TAFA2: variants seen among roughly 807,000 people sequenced by gnomAD.
TAFA2 encodes TAFA chemokine like family member 2, also known as chemokine-like protein TAFA-2.
In TAFA2, 7 loss-of-function variants were observed where a neutral mutation model predicts 18.8. The observed-to-expected ratio is 0.37, with a 90% CI of 0.21 to 0.70. The LOEUF is 0.70. TAFA2 is among the 30% of genes least tolerant of loss of function. The probability of loss-of-function intolerance (pLI) is 0.53; values close to 1 mark genes in which losing one functional copy is unlikely to be tolerated. For missense variants in TAFA2, 122 were observed against 158.1 expected (o/e 0.77, Z 1.23); for synonymous variants, 60 against 54.2 (o/e 1.11, Z -0.47).
At chr12:61,777,880 G>A (rs959121564) in intron 2 of TAFA2, among the ~76,000 whole-genome samples, 1 of 151,756 alleles carries the variant, frequency 6.6e-6, no homozygotes, top group African/African-American at 2.4e-5. Flanking sequence ...AGAGGTAGGA[G>A]GTAGTGTCAT....
chr12:61,901,044 T>C (rs1876075886), intron 1 of TAFA2, among the ~76,000 whole-genome samples: 1 of 152,204 alleles, frequency 6.6e-6, no homozygotes, highest in Non-Finnish European at 1.5e-5. Flanking sequence ...TGGTCTACTT[T>C]ATTACAGGTA....
intron 2 of TAFA2, among the ~76,000 whole-genome samples, chr12:61,853,388 G>A (rs1873757099): frequency 1.3e-5 from 2 of 152,076 alleles, no homozygotes; most frequent in Non-Finnish European, 2.9e-5. Flanking sequence ...GTGACAAGAT[G>A]AGGAAGAGTA....
At chr12:61,898,721 C>T (rs971891411) in intron 1 of TAFA2, among the ~76,000 whole-genome samples, 2 of 152,180 alleles carry the variant, frequency 1.3e-5, no homozygotes, top group Non-Finnish European at 2.9e-5. Flanking sequence ...GGAGGGCCTG[C>T]AGGGAAGGTC....
At chr12:62,002,259 T>C (rs1880404266) in intron 1 of TAFA2, among the ~76,000 whole-genome samples, 2 of 152,168 alleles carry the variant, frequency 1.3e-5, no homozygotes, top group Non-Finnish European at 2.9e-5. Context: ...AAAGGGAAAA[T>C]TTCTGTGAGA....
chr12:62,065,193 A>G lies in TAFA2; in HGVS notation c.-2+126066T>C, dbSNP rs11174290. 1.0e-3 allele frequency among the ~76,000 whole-genome samples: 159 copies of G among 152,152 alleles called. 2 individuals carry two copies. In the East Asian group the frequency reaches 0.024, roughly 23 times the overall value. On this transcript the variant is annotated intron_variant, in intron 1 of 4. Coordinates refer to ENST00000416284, the MANE Select transcript of TAFA2 (RefSeq NM_178539.5). Reference sequence around the variant, plus strand: ...TTTTCATATTGAGTATAAGCTTTGCATGAAATCAGAAAGTATTACACAACT... The same window carrying G: ...TTTTCATATTGAGTATAAGCTTTGCGTGAAATCAGAAAGTATTACACAACT...
At chr12:61,742,612 G>A (rs1440565888) in intron 4 of TAFA2, among the ~76,000 whole-genome samples, 1 of 152,046 alleles carries the variant, frequency 6.6e-6, no homozygotes, top group Non-Finnish European at 1.5e-5. Flanking sequence ...TCTTTTGAGA[G>A]AGCATTCTTG....
chr12:61,944,910 AT>A (rs1325519288), intron 1 of TAFA2, among the ~76,000 whole-genome samples: 1 of 118,580 alleles, frequency 8.4e-6, no homozygotes, highest in Non-Finnish European at 1.7e-5. Flanking sequence ...TTCTGAAACT[AT>A]TCCAATCAAT....
chr12:61,965,993 T>G (rs941404131), intron 1 of TAFA2, among the ~76,000 whole-genome samples: 1 of 151,884 alleles, frequency 6.6e-6, no homozygotes, highest in African/African-American at 2.4e-5. Flanking sequence ...TGTTTCCACC[T>G]TTGGGGTATT....
intron 1 of TAFA2, chr12:62,252,812 C>T (rs1057038761): frequency 6.6e-6 from 1 of 152,078 alleles, no homozygotes; most frequent in Non-Finnish European, 1.5e-5. Context: ...TAAAATGAAT[C>T]CCTTTGTTTG....
chr12:61,859,114 C>G (rs564362790), intron 2 of TAFA2, among the ~76,000 whole-genome samples: 1 of 152,350 alleles, frequency 6.6e-6, no homozygotes, highest in African/African-American at 2.4e-5. Context: ...GTTTAATTGA[C>G]TCACAGTTAA....
At chr12:62,234,297 C>T in intron 1 of TAFA2, 1 of 421,396 alleles carries the variant, frequency 2.4e-6, no homozygotes, top group South Asian at 2.0e-5. Context: ...AAAACATTTG[C>T]TGAATGAATA....
chr12:61,872,857 G>A (rs181931078), intron 1 of TAFA2, among the ~76,000 whole-genome samples: 99 of 120,182 alleles, frequency 8.2e-4, no homozygotes, highest in African/African-American at 2.3e-3. Flanking sequence ...GACCCACCCT[G>A]CAGTTTCTCT....
At chr12:62,021,093 A>G (rs1293112639) in intron 1 of TAFA2, among the ~76,000 whole-genome samples, 1 of 152,138 alleles carries the variant, frequency 6.6e-6, no homozygotes, top group African/African-American at 2.4e-5. Flanking sequence ...AAAGGTTGCT[A>G]ATTTCTATAC....
At chr12:62,226,580 C>T (rs983540609) in intron 1 of TAFA2, among the ~76,000 whole-genome samples, 1 of 152,188 alleles carries the variant, frequency 6.6e-6, no homozygotes, top group East Asian at 1.9e-4. Flanking sequence ...ATCTTTAATA[C>T]TGATACCTAT....
intron 2 of TAFA2, among the ~76,000 whole-genome samples, chr12:61,826,916 A>G (rs1348544117): frequency 3.9e-5 from 6 of 152,104 alleles, no homozygotes; most frequent in African/African-American, 1.4e-4. Flanking sequence ...TACAAATATC[A>G]GAAAAAAATT....
chr12:61,879,000 G>C (rs1316547045), intron 1 of TAFA2, among the ~76,000 whole-genome samples: 1 of 152,150 alleles, frequency 6.6e-6, no homozygotes, highest in African/African-American at 2.4e-5. Context: ...TTAGTAATTA[G>C]CACAGCCAGA....
chr12:62,037,629 A>T (rs1006878602), intron 1 of TAFA2, among the ~76,000 whole-genome samples: 4 of 152,220 alleles, frequency 2.6e-5, no homozygotes, highest in Admixed American at 6.5e-5. Context: ...AATAAAACTC[A>T]TCGGAGATAG....
intron 1 of TAFA2, among the ~76,000 whole-genome samples, chr12:61,960,532 T>C (rs970306310): frequency 2.0e-5 from 3 of 152,078 alleles, no homozygotes; most frequent in Admixed American, 6.6e-5. Flanking sequence ...ACCATTGTTC[T>C]AATTTCTCAG....
intron 1 of TAFA2, among the ~76,000 whole-genome samples, chr12:61,967,650 T>C (rs771960118): frequency 6.6e-6 from 1 of 151,816 alleles, no homozygotes; most frequent in Non-Finnish European, 1.5e-5. Flanking sequence ...CCATTCAAAA[T>C]AACATTCAAA....
Sources: gnomAD v4.1 joint callset for allele counts (sites outside exome capture counted in the v4.1 genomes callset) on GRCh38, gnomAD v4.1.1 for gene constraint, MANE v1.5 for transcripts, NCBI Gene and HGNC (gene_info 2026-07-23, HGNC 2026-07-21) for gene names.